Variants in ZNF263 observed in about 807,000 individuals in gnomAD.
ZNF263 encodes zinc finger protein FPM315.
In ZNF263, 49 loss-of-function variants were observed where a neutral mutation model predicts 63.1. That is an observed-to-expected ratio of 0.78 (90% CI 0.62 to 0.99). The LOEUF (loss-of-function observed/expected upper bound fraction) is 0.99. Ranked by LOEUF, ZNF263 falls within the 50% of genes least tolerant of loss-of-function variation. The probability of loss-of-function intolerance (pLI) is 0.00; values close to 1 mark genes in which losing one functional copy is unlikely to be tolerated. For missense variants in ZNF263, 872 were observed against 854.8 expected, an observed-to-expected ratio of 1.02 and a Z score of -0.25; for synonymous variants, 352 against 324.2, an observed-to-expected ratio of 1.09 and a Z score of -0.92.
Position 3,283,841 on chromosome 16 carries a change from A to G in ZNF263, c.23A>G (p.Gln8Arg), listed in dbSNP as rs752811374. The change falls in exon 1 of 6, where the codon CAG becomes CGG. Residue 8 changes from glutamine (Q) to arginine (R), a missense_variant. By Grantham distance (43) the Gln-to-Arg change is conservative. Coordinates refer to ENST00000219069, the MANE Select transcript of ZNF263 (RefSeq NM_005741.5). ...ACGATGGCGTCGGGCCCGGGCTCCC[A>G]GGAACGGGAAGGGCTCCTGATAGTG... is the stretch of plus-strand genomic sequence containing the variant. MASGPGS[Q>R]EREGLLIVKL... 2 of 1,582,122 alleles carry G rather than the reference A, an allele frequency of 1.3e-6. No individual in the cohort carries two copies. The highest frequency in any genetic ancestry group is 1.7e-6 in the Non-Finnish European group (2 of 1,166,094).
rs537043093 is a variant in ZNF263 at position 3,284,099 on chromosome 16, C to G, written c.281C>G (p.Pro94Arg). The change falls in exon 1 of 6, where the codon CCC becomes CGC. Residue 94 changes from proline (P) to arginine (R), a missense_variant. Pro to Arg is a moderately radical substitution (Grantham distance 103, BLOSUM62 -2). Coordinates refer to ENST00000219069, the MANE Select transcript of ZNF263 (RefSeq NM_005741.5). Reference sequence around the variant, plus strand: ...TTAGAGCAGTTCCTGACCATCCTGCCCCAGGAGATCCAGAGCAGGGTGCAG... The same window carrying G: ...TTAGAGCAGTTCCTGACCATCCTGCGCCAGGAGATCCAGAGCAGGGTGCAG... ...LVLEQFLTIL[P>R]QEIQSRVQEL... is the part of the protein sequence containing the mutation. 6.2e-7 allele frequency: 1 copy of G among 1,613,074 alleles called. No individual in the cohort carries two copies. Among genetic ancestry groups the G allele is most frequent in the African/African-American group, 1.3e-5 (1 of 75,034 alleles).
At position 3,285,766 on chromosome 16, in the gene ZNF263, G is replaced by A; in HGVS notation, c.642+12G>A. The A allele has an allele frequency of 6.2e-7, 1 of 1,613,964 alleles. No individual in the cohort carries two copies. The highest frequency in any genetic ancestry group is 8.5e-7 in the Non-Finnish European group (1 of 1,179,872). ...TGACTGGGCCCCAGGTGATGTGGAA[G>A]TTTCCATTGTCTCCCCCCAGCACCC... On this transcript the variant is annotated intron_variant, in intron 3 of 5. Transcript: ENST00000219069.
downstream of ZNF263, chr16:3,293,415 CTG>C (rs375518206): frequency 5.1e-4 from 78 of 152,364 alleles, no homozygotes; most frequent in African/African-American, 1.8e-3. Flanking sequence ...TACGCAGTCT[CTG>C]TATCTTTATA....
At position 3,283,770 on chromosome 16, in the gene ZNF263, G is replaced by A. The variant is rs754486406; in HGVS notation, c.-49G>A. On this transcript the variant is annotated 5_prime_UTR_variant, in exon 1 of 6. Transcript: ENST00000219069. ...CCTTACATGGGTTCAGGGCGCCTTC[G>A]TAGGCGGGCACGGCTGGTTTCGGGC... The A allele has an allele frequency of 4.0e-5, 60 of 1,496,432 alleles. No homozygotes were observed. Among genetic ancestry groups the A allele is most frequent in the Non-Finnish European group, 5.2e-5 (59 of 1,129,058 alleles). The allele number at this position is 1,496,432 out of a possible 1,614,324, so 92.7% of individuals were successfully genotyped here.
chr16:3,287,626 A>T (rs919985246), intron 4 of ZNF263, among the ~76,000 whole-genome samples: 1 of 152,012 alleles, frequency 6.6e-6, no homozygotes, highest in African/African-American at 2.4e-5. Context: ...GTTGGAATTA[A>T]ACTTCTGTTG....
intron 1 of ZNF263, among the ~76,000 whole-genome samples, chr16:3,297,152 T>A (rs1264257619): frequency 4.0e-5 from 6 of 151,696 alleles, no homozygotes; most frequent in Non-Finnish European, 4.4e-5. Flanking sequence ...AAAATACAAG[T>A]CAGGTGTGGT....
At chr16:3,295,455 C>A (rs1335248291), downstream of ZNF263, among the ~76,000 whole-genome samples, 1 of 152,186 alleles carries the variant, frequency 6.6e-6, no homozygotes, top group South Asian at 2.1e-4. Context: ...GGTTCTCGCA[C>A]GCACAGCCGC....
downstream of ZNF263, among the ~76,000 whole-genome samples, chr16:3,294,159 T>C (rs1959687060): frequency 6.6e-6 from 1 of 152,208 alleles, no homozygotes; most frequent in Non-Finnish European, 1.5e-5. Flanking sequence ...TCTCCTGACC[T>C]CGTGATCTGC....
At chr16:3,296,507 A>G (rs138803665) in intron 1 of ZNF263, among the ~76,000 whole-genome samples, 1 of 152,310 alleles carries the variant, frequency 6.6e-6, no homozygotes, top group East Asian at 1.9e-4. Flanking sequence ...TGCAGTCATT[A>G]TGGACTAATC....
intron 1 of ZNF263, among the ~76,000 whole-genome samples, chr16:3,297,031 G>A (rs983040485): frequency 4.6e-5 from 7 of 152,110 alleles, no homozygotes; most frequent in Non-Finnish European, 1.0e-4. Flanking sequence ...CAGGCCGGGC[G>A]CAGTGGCTCA....
chr16:3,285,414 G>T (rs1959309394), intron 2 of ZNF263, among the ~76,000 whole-genome samples, 175 bp downstream of exon 2: 1 of 152,226 alleles, frequency 6.6e-6, no homozygotes, highest in South Asian at 2.1e-4. Context: ...CTGGGGGAAG[G>T]GAAGGGAGTC....
chr16:3,296,307 A>T (rs1482169772), downstream of ZNF263, among the ~76,000 whole-genome samples: 2 of 152,172 alleles, frequency 1.3e-5, no homozygotes, highest in African/African-American at 4.8e-5. Context: ...ATTTATTATC[A>T]CTAAAAAGAA....
chr16:3,288,088 C>A (rs1959447389), intron 4 of ZNF263, among the ~76,000 whole-genome samples: 1 of 151,920 alleles, frequency 6.6e-6, no homozygotes, highest in Admixed American at 6.6e-5. Flanking sequence ...TCCATCTCTA[C>A]TAAAAATACA....
intron 2 of ZNF263, chr16:3,299,362 C>T (rs1234834565): frequency 6.3e-7 from 1 of 1,587,232 alleles, no homozygotes; most frequent in South Asian, 1.2e-5. Context: ...TCTATAATCC[C>T]CATGTTCTAA....
rs1201135424 is a variant in ZNF263 at position 3,283,728 on chromosome 16, C to T, written c.-91C>T. ...ACTGGGAGCCCCCGGCCCCGGGCTC[C>T]TGCTGGCGCCGTCCAACCTTACATG... On this transcript the variant is annotated 5_prime_UTR_variant, in exon 1 of 6. Transcript: ENST00000219069. 5.7e-6 allele frequency: 8 copies of T among 1,410,888 alleles called. No individual in the cohort carries two copies. The highest frequency in any genetic ancestry group is 1.5e-5 in the African/African-American group (1 of 68,406). 87.4% of individuals were successfully genotyped at this position (1,410,888 alleles called of 1,614,324 possible).
rs1959346847 is a variant in ZNF263 at position 3,286,135 on chromosome 16, A to G, written c.755A>G (p.Asn252Ser). 1 of 1,595,776 alleles carries G rather than the reference A, an allele frequency of 6.3e-7. No homozygotes were observed. Among genetic ancestry groups the G allele is most frequent in the African/African-American group, 1.4e-5 (1 of 73,742 alleles). Reference protein sequence around the residue: ...SRDTVQESYENVDSLESHIPS... With the variant: ...SRDTVQESYESVDSLESHIPS... ...GACACGGTGCAGGAGAGTTATGAGA[A>G]TGTGGACTCACTGGGTAAGGACTTC... The change falls in exon 4 of 6, where the codon AAT becomes AGT. Residue 252 changes from asparagine (N) to serine (S), a missense_variant. By Grantham distance (46) the Asn-to-Ser change is conservative. Coordinates refer to ENST00000219069, the MANE Select transcript of ZNF263 (RefSeq NM_005741.5).
Position 3,290,102 on chromosome 16 carries a change from C to G in ZNF263, c.1596C>G (p.His532Gln), listed in dbSNP as rs752233963. ...ECGKSFSRSS[H>Q]LVIHERTHER... is the part of the protein sequence containing the mutation. Reference sequence around the variant, plus strand: ...GGAAAAGTTTCTCTCGGAGTTCACACCTCGTCATTCACGAAAGAACTCATG... The same window carrying G: ...GGAAAAGTTTCTCTCGGAGTTCACAGCTCGTCATTCACGAAAGAACTCATG... Residue 532 changes from histidine (H) to glutamine (Q), a missense_variant, in exon 6 of 6, where the codon CAC becomes CAG. By Grantham distance (24) the His-to-Gln change is conservative (BLOSUM62 0). Coordinates refer to ENST00000219069, the MANE Select transcript of ZNF263 (RefSeq NM_005741.5). 1.2e-6 allele frequency: 2 copies of G among 1,613,780 alleles called. No homozygotes were observed. Among genetic ancestry groups the G allele is most frequent in the South Asian group, 2.2e-5 (2 of 91,052 alleles).
chr16:3,296,478 C>T (rs978354576), intron 1 of ZNF263, among the ~76,000 whole-genome samples: 2 of 152,082 alleles, frequency 1.3e-5, no homozygotes, highest in African/African-American at 2.4e-5. Flanking sequence ...ACTACCTTCG[C>T]CCTCACCCAA....
At position 3,283,992 on chromosome 16, in the gene ZNF263, C is replaced by T. The variant is rs1361949008; in HGVS notation, c.174C>T (p.Ala58=). 20 of 1,613,784 alleles carry T rather than the reference C, an allele frequency of 1.2e-5. No homozygotes were observed. Among genetic ancestry groups the T allele is most frequent in the Non-Finnish European group, 1.7e-5 (20 of 1,179,994 alleles). Residue 58 remains alanine (A), a synonymous_variant, in exon 1 of 6, where the codon GCC becomes GCT. Transcript: ENST00000219069. ...AAGAGGCAGCTGGTCCCCGGGAAGC[C>T]CTCAGCCGGCTCCAAGAGCTTTGCC... The part of the protein sequence containing the change: ...RFQEAAGPRE[A]LSRLQELCHG...
Sources: gnomAD v4.1 joint callset for allele counts (sites outside exome capture counted in the v4.1 genomes callset) on GRCh38, gnomAD v4.1.1 for gene constraint, MANE v1.5 for transcripts, NCBI Gene and HGNC (gene_info 2026-07-23, HGNC 2026-07-21) for gene names.